The following FERRY3 variants were observed in gnomAD, a reference collection of about 807,000 sequenced individuals.
FERRY3 encodes the protein protein C12orf4.
chr12:4,498,736 G>C, the FERRY3 span, among the ~76,000 whole-genome samples: 5 of 152,162 alleles, frequency 3.3e-5, no homozygotes, highest in African/African-American at 1.2e-4. Flanking sequence ...ACTGGAGTTG[G>C]GGGTGAGGGT....
the FERRY3 span, chr12:4,489,069 G>C: frequency 6.6e-6 from 1 of 152,594 alleles, no homozygotes; most frequent in Non-Finnish European, 1.5e-5. Flanking sequence ...TCACAATGTT[G>C]ATGAGCACTA....
the FERRY3 span, among the ~76,000 whole-genome samples, chr12:4,494,025 G>A: frequency 3.9e-5 from 6 of 152,096 alleles, no homozygotes; most frequent in East Asian, 1.9e-4. Flanking sequence ...CCTGCAAGAC[G>A]GAGGTTGCAG....
At chr12:4,502,514 T>C in the FERRY3 span, 3 of 413,762 alleles carry the variant, frequency 7.3e-6, no homozygotes, top group East Asian at 7.2e-5. This position sits in a 1 kb window ranked among gnomAD's most constrained non-coding sequence, Gnocchi z 4.2. Context: ...ATAGAAAACA[T>C]AGAAAGGATA....
At chr12:4,532,071 T>C in the FERRY3 span, among the ~76,000 whole-genome samples, 2 of 151,378 alleles carry the variant, frequency 1.3e-5, no homozygotes, top group African/African-American at 4.9e-5. Flanking sequence ...CCAACACAAA[T>C]TCATAAATTG....
chr12:4,535,196 G>A, the FERRY3 span, among the ~76,000 whole-genome samples: 1 of 152,248 alleles, frequency 6.6e-6, no homozygotes, highest in East Asian at 1.9e-4. This position sits in a 1 kb window ranked among gnomAD's most constrained non-coding sequence, Gnocchi z 4.0. Flanking sequence ...CACTATGTTC[G>A]CGACTTTAGA....
the FERRY3 span, chr12:4,538,275 G>A: frequency 6.5e-6 from 1 of 152,792 alleles, no homozygotes. Flanking sequence ...CAGAGCGGAG[G>A]CTCTGAGGCT....
the FERRY3 span, among the ~76,000 whole-genome samples, chr12:4,490,132 G>C: frequency 6.6e-6 from 1 of 152,056 alleles, no homozygotes; most frequent in Non-Finnish European, 1.5e-5. Context: ...TTGAGTAATA[G>C]AAAAACCTCT....
At chr12:4,506,542 T>C in the FERRY3 span, among the ~76,000 whole-genome samples, 3 of 152,170 alleles carry the variant, frequency 2.0e-5, no homozygotes, top group African/African-American at 7.2e-5. Context: ...AATAGATGTC[T>C]AATCGTAGCA....
chr12:4,533,540 G>A, the FERRY3 span, among the ~76,000 whole-genome samples: 1 of 151,956 alleles, frequency 6.6e-6, no homozygotes, highest in Non-Finnish European at 1.5e-5. Flanking sequence ...ATGTCATCTT[G>A]GCATTCTCTC....
At chr12:4,504,748 G>A in the FERRY3 span, among the ~76,000 whole-genome samples, 2 of 152,278 alleles carry the variant, frequency 1.3e-5, no homozygotes, top group Non-Finnish European at 2.9e-5. Context: ...TAAAACTTAT[G>A]CAACTTCTTG....
the FERRY3 span, among the ~76,000 whole-genome samples, chr12:4,508,717 C>A: frequency 2.6e-5 from 4 of 151,336 alleles, no homozygotes; most frequent in Admixed American, 1.3e-4. Flanking sequence ...GCATTCCAGC[C>A]TAGATGACAG....
chr12:4,497,002 T>C, the FERRY3 span, among the ~76,000 whole-genome samples: 13 of 152,228 alleles, frequency 8.5e-5, no homozygotes, highest in South Asian at 4.1e-4. Context: ...TAAACATAAA[T>C]ATACCCTGAG....
the FERRY3 span, among the ~76,000 whole-genome samples, chr12:4,501,200 C>A: frequency 2.6e-5 from 4 of 152,332 alleles, 1 homozygote; most frequent in South Asian, 4.1e-4. Flanking sequence ...ATTGGTGTCA[C>A]CCCAGTTCAT....
chr12:4,522,512 T>C, the FERRY3 span, among the ~76,000 whole-genome samples: 2 of 152,142 alleles, frequency 1.3e-5, no homozygotes, highest in Non-Finnish European at 2.9e-5. Context: ...TAAATAGCAA[T>C]ATTGAGTGCT....
chr12:4,532,085 A>AT, the FERRY3 span, among the ~76,000 whole-genome samples: 17,466 of 135,506 alleles, frequency 0.13, 1,259 homozygotes, highest in African/African-American at 0.18. Flanking sequence ...TAAATTGTGA[A>AT]TTTTTTTTTT....
chr12:4,500,528 A>G, the FERRY3 span, among the ~76,000 whole-genome samples: 15 of 152,100 alleles, frequency 9.9e-5, no homozygotes, highest in African/African-American at 3.6e-4. Context: ...GGTAATGAAA[A>G]TAAGAGACAA....
the FERRY3 span, chr12:4,491,365 C>G: frequency 1.4e-6 from 1 of 694,624 alleles, no homozygotes; most frequent in South Asian, 2.1e-5. Context: ...CTAATCCCAA[C>G]TGGATTTCCT....
chr12:4,525,151 G>C, the FERRY3 span: 2 of 1,385,716 alleles, frequency 1.4e-6, no homozygotes, highest in African/African-American at 2.9e-5. Flanking sequence ...ACTTTCACTA[G>C]CAAATTAAAA....
the FERRY3 span, chr12:4,530,191 T>C: frequency 1.4e-6 from 1 of 706,228 alleles, no homozygotes; most frequent in Non-Finnish European, 2.2e-6. Context: ...TGTAAATATA[T>C]GTGTGTGTAT....
Sources: allele counts gnomAD v4.1 joint callset (sites outside exome capture counted in the v4.1 genomes callset), GRCh38; gene constraint gnomAD v4.1.1; non-coding constraint Gnocchi (gnomAD v3.1); transcripts MANE v1.5; gene names NCBI Gene and HGNC (gene_info 2026-07-23, HGNC 2026-07-21).